Variants in PTPN14 observed in about 807,000 individuals in gnomAD.
The protein encoded by PTPN14 is tyrosine-protein phosphatase non-receptor type 14.
PTPN14 carries 53 observed loss-of-function variants against 126.8 expected under a neutral mutation model. The observed-to-expected ratio is 0.42, with a 90% CI of 0.34 to 0.53. PTPN14 has a LOEUF of 0.53. Among genes scored for constraint, PTPN14 ranks in the 20% least tolerant of loss-of-function variants. The probability of loss-of-function intolerance (pLI) is 0.08; values close to 1 mark genes in which losing one functional copy is unlikely to be tolerated. For synonymous variants in PTPN14, 630 were observed against 599.3 expected, an observed-to-expected ratio of 1.05 and a Z score of -0.75; for missense variants, 1,257 against 1,552.9, an observed-to-expected ratio of 0.81 and a Z score of 3.20.
Position 214,384,400 on chromosome 1 carries a change from G to A in PTPN14, c.1455C>T (p.Tyr485=), listed in dbSNP as rs1206032749. 1.2e-6 allele frequency: 2 copies of A among 1,614,052 alleles called. No homozygotes were observed. Among genetic ancestry groups the A allele is most frequent in the Non-Finnish European group, 1.7e-6 (2 of 1,180,040 alleles). The change falls in exon 13 of 19, where the codon TAC becomes TAT. Residue 485 remains tyrosine, a synonymous_variant. Coordinates refer to ENST00000366956, the MANE Select transcript of PTPN14 (RefSeq NM_005401.5). The surrounding 1 kb of genome is among the most constrained non-coding windows in gnomAD (Gnocchi z 5.3). ...HAYNQPEDLV[Y]SQPEMRERHP... ...GCCTCTCCCGCATCTCCGGTTGGCT[G>A]TACACCAGATCCTCTGGCTGGTTGT...
intron 10 of PTPN14, 107 bp from the exon 11 acceptor site, chr1:214,391,152 T>C (rs1223284469): frequency 1.5e-6 from 1 of 681,026 alleles, no homozygotes; most frequent in Admixed American, 3.7e-5. Context: ...GTAATCGTTA[T>C]ATCAAAACAT....
intron 3 of PTPN14, among the ~76,000 whole-genome samples, chr1:214,436,486 G>A (rs1385484328): frequency 6.6e-6 from 1 of 152,142 alleles, no homozygotes; most frequent in Non-Finnish European, 1.5e-5. Context: ...TTTCAAGTAA[G>A]TGTGAGATTT....
In PTPN14 at chr1:214,436,641, G is replaced by T. The variant is rs112499473; in HGVS notation, c.344+15164C>A. Among the ~76,000 whole-genome samples, 654 of 152,084 alleles carry T rather than the reference G, an allele frequency of 4.3e-3. 3 individuals carry two copies. Among genetic ancestry groups the T allele is most frequent in the African/African-American group, 0.015 (629 of 41,494 alleles). ...TGAAACCCCTTCTCTAAAAAAATTA[G>T]CTGGGCATGGTGGTGGGCGCCTGTA... On this transcript the variant is annotated intron_variant, in intron 3 of 18. Coordinates refer to ENST00000366956, the MANE Select transcript of PTPN14 (RefSeq NM_005401.5).
At chr1:214,443,053 C>T (rs541527392) in intron 3 of PTPN14, among the ~76,000 whole-genome samples, 1 of 152,198 alleles carries the variant, frequency 6.6e-6, no homozygotes, top group East Asian at 1.9e-4. Flanking sequence ...GAACTCCCGA[C>T]CTCAAGTGAT....
At chr1:214,521,214 T>G (rs1412642865) in intron 1 of PTPN14, among the ~76,000 whole-genome samples, 1 of 152,184 alleles carries the variant, frequency 6.6e-6, no homozygotes, top group Non-Finnish European at 1.5e-5. Flanking sequence ...ATAAAAATAT[T>G]TCTCATATAA....
intron 3 of PTPN14, among the ~76,000 whole-genome samples, chr1:214,437,839 C>T (rs1659954345): frequency 6.6e-6 from 1 of 152,212 alleles, no homozygotes; most frequent in South Asian, 2.1e-4. Flanking sequence ...AAAAGACCAG[C>T]TACAGCTGAA....
intron 1 of PTPN14, among the ~76,000 whole-genome samples, chr1:214,482,183 T>C (rs1661005440): frequency 1.3e-5 from 2 of 151,990 alleles, no homozygotes; most frequent in Admixed American, 6.6e-5. Flanking sequence ...TGACCATCCC[T>C]TGATAGCTCA....
intron 3 of PTPN14, among the ~76,000 whole-genome samples, chr1:214,444,042 T>C (rs1038205127): frequency 6.6e-6 from 1 of 152,184 alleles, no homozygotes; most frequent in Non-Finnish European, 1.5e-5. Context: ...TCCCACTAAC[T>C]AGCAAAGTGT....
chr1:214,401,839 G>T, intron 6 of PTPN14, 67 bp from the exon 7 acceptor site: 1 of 1,286,604 alleles, frequency 7.8e-7, no homozygotes, highest in South Asian at 1.2e-5. Context: ...CCACTCTCCT[G>T]ATGGCAAATT....
At chr1:214,358,490 G>A (rs992716850) in intron 18 of PTPN14, among the ~76,000 whole-genome samples, 1 of 152,106 alleles carries the variant, frequency 6.6e-6, no homozygotes, top group African/African-American at 2.4e-5. Context: ...GCTGGAGTTA[G>A]ACCTGAATGG....
At chr1:214,513,899 G>A (rs1329001111) in intron 1 of PTPN14, among the ~76,000 whole-genome samples, 1 of 152,084 alleles carries the variant, frequency 6.6e-6, no homozygotes, top group Non-Finnish European at 1.5e-5. Flanking sequence ...ATTTTTGGTT[G>A]CTGTGTTATT....
At chr1:214,435,557 A>G (rs1659893088) in intron 3 of PTPN14, among the ~76,000 whole-genome samples, 1 of 152,196 alleles carries the variant, frequency 6.6e-6, no homozygotes, top group Admixed American at 6.5e-5. Context: ...ATTAACAAGG[A>G]AAAAACAAAC....
chr1:214,494,388 C>G (rs1485693019), intron 1 of PTPN14, among the ~76,000 whole-genome samples: 1 of 152,144 alleles, frequency 6.6e-6, no homozygotes, highest in Non-Finnish European at 1.5e-5. Flanking sequence ...TACCTCACTC[C>G]TTGTACCAGT....
intron 1 of PTPN14, among the ~76,000 whole-genome samples, chr1:214,478,723 G>A (rs776728048): frequency 2.0e-5 from 3 of 151,984 alleles, no homozygotes; most frequent in Non-Finnish European, 2.9e-5. Context: ...AGACTTTTAC[G>A]TGTATTTTCT....
At position 214,383,838 on chromosome 1, in the gene PTPN14, C is replaced by T. The variant is rs1354524203; in HGVS notation, c.2017G>A (p.Glu673Lys). The change falls in exon 13 of 19, where the codon GAG (glutamate) becomes AAG (lysine). Residue 673 changes from glutamate to lysine, a missense_variant. Physicochemically the swap from Glu to Lys is moderately conservative, Grantham distance 56. Coordinates refer to ENST00000366956, the MANE Select transcript of PTPN14 (RefSeq NM_005401.5). This position sits in a 1 kb window ranked among gnomAD's most constrained non-coding sequence, Gnocchi z 4.4. ...LPMARRNTLR[E>K]QGPPEEGSGS... ...GACCCCTCCTCGGGCGGTCCCTGCT[C>T]CCGGAGCGTGTTGCGGCGAGCCATG... 1.9e-6 allele frequency: 3 copies of T among 1,612,362 alleles called. No individual in the cohort carries two copies. The highest frequency in any genetic ancestry group is 1.3e-5 in the African/African-American group (1 of 74,946).
chr1:214,436,235 G>T (rs1360236357), intron 3 of PTPN14, among the ~76,000 whole-genome samples: 1 of 152,068 alleles, frequency 6.6e-6, no homozygotes, highest in Non-Finnish European at 1.5e-5. Flanking sequence ...AAACACCAGG[G>T]CCTACTTGAG....
chr1:214,452,212 A>G (rs1245338432), intron 2 of PTPN14, among the ~76,000 whole-genome samples: 3 of 152,222 alleles, frequency 2.0e-5, no homozygotes, highest in African/African-American at 4.8e-5. Context: ...TTGTGCTTGC[A>G]GATACCAAAG....
rs1048376288 is a variant in PTPN14 at position 214,353,147 on chromosome 1, C to T, written c.*4775G>A. 24 of 152,170 alleles carry T rather than the reference C, an allele frequency of 1.6e-4. No individual in the cohort carries two copies. Among genetic ancestry groups the T allele is most frequent in the Admixed American group, 5.2e-4 (8 of 15,282 alleles). 9.4% of individuals were successfully genotyped at this position (152,170 alleles called of 1,614,324 possible). On this transcript the variant is annotated 3_prime_UTR_variant, in exon 19 of 19. Transcript: ENST00000366956. Reference sequence around the variant, plus strand: ...ATCTTCCCCAAACGAAAATCAGTAACGAAATAGTTGTCCTTTACCAAAGGG... The same window carrying T: ...ATCTTCCCCAAACGAAAATCAGTAATGAAATAGTTGTCCTTTACCAAAGGG...
chr1:214,424,342 C>T (rs1392673392), intron 3 of PTPN14, among the ~76,000 whole-genome samples: 1 of 151,318 alleles, frequency 6.6e-6, no homozygotes, highest in African/African-American at 2.4e-5. Flanking sequence ...ATTAAAAGAA[C>T]GTTTGAAAAC....
Sources: allele counts gnomAD v4.1 joint callset (sites outside exome capture counted in the v4.1 genomes callset), GRCh38; gene constraint gnomAD v4.1.1; non-coding constraint Gnocchi (gnomAD v3.1); transcripts MANE v1.5; gene names NCBI Gene and HGNC (gene_info 2026-07-23, HGNC 2026-07-21).